GALK1: variants seen among roughly 807,000 people sequenced by gnomAD.
GALK1 encodes the protein galactokinase 1.
A neutral mutation model predicts 38.6 loss-of-function variants in GALK1; 30 were observed. The observed-to-expected ratio is 0.78, with a 90% CI of 0.58 to 1.05. The LOEUF (loss-of-function observed/expected upper bound fraction) is 1.05. Ranked by LOEUF, GALK1 falls within the 50% of genes least tolerant of loss-of-function variation. GALK1 has a pLI of 0.00. For synonymous variants in GALK1, 240 were observed against 233.6 expected (o/e 1.03, Z -0.25); for missense variants, 512 against 540.5 (o/e 0.95, Z 0.52).
chr17:75,763,955 C>T lies in GALK1; in HGVS notation c.297G>A (p.Leu99=), dbSNP rs1568395582. Reference sequence around the variant, plus strand: ...TGGCCCACCGAGGAGTCCCAGGCTCCAGCGAGCGCTGGGCTGTGGGCAGTG... The same window carrying T: ...TGGCCCACCGAGGAGTCCCAGGCTCTAGCGAGCGCTGGGCTGTGGGCAGTG... ...QFPLPTAQRS[L]EPGTPRWANY... The change falls in exon 2 of 8, where the codon CTG becomes CTA. Residue 99 remains leucine (L), a synonymous_variant. Coordinates refer to ENST00000588479, the MANE Select transcript of GALK1 (RefSeq NM_000154.2). 1.2e-6 allele frequency: 2 copies of T among 1,613,602 alleles called. No individual in the cohort carries two copies. Among genetic ancestry groups the T allele is most frequent in the Non-Finnish European group, 8.5e-7 (1 of 1,180,000 alleles).
At chr17:75,755,254 C>T (rs372701693), downstream of GALK1, 5 of 1,578,602 alleles carry the variant, frequency 3.2e-6, no homozygotes, top group Non-Finnish European at 4.3e-6. Flanking sequence ...AGCTGTCCTG[C>T]TCCATCTGTC....
At chr17:75,757,421 C>T (rs766003835), downstream of GALK1, 1 of 1,613,180 alleles carries the variant, frequency 6.2e-7, no homozygotes, top group South Asian at 1.1e-5. Context: ...CACAGATGGG[C>T]TGACCCTGGG....
chr17:75,755,157 GC>G (rs755123653), downstream of GALK1: 2 of 1,611,652 alleles, frequency 1.2e-6, no homozygotes, highest in Non-Finnish European at 1.7e-6. Flanking sequence ...CCTTCCAGGG[GC>G]CCACGAGACT....
downstream of GALK1, chr17:75,755,849 C>T (rs138928712): frequency 7.7e-5 from 124 of 1,603,026 alleles, no homozygotes; most frequent in African/African-American, 5.6e-4. Flanking sequence ...TGCTGAACGG[C>T]GGTGAGGCAT....
Position 75,761,671 on chromosome 17 carries a change from T to C in GALK1, c.793+1033A>G, listed in dbSNP as rs1334860092. 2.3e-5 allele frequency among the ~76,000 whole-genome samples: 3 copies of C among 132,518 alleles called. No individual in the cohort carries two copies. In the Admixed American group the frequency reaches 2.3e-4, roughly 10 times the overall value. 86.9% of individuals were successfully genotyped at this position (132,518 alleles called of 152,430 possible). A position where few individuals can be genotyped will look rare whatever the true frequency, so the allele number is the denominator to read the frequency against. ...GAGCCACACCGAGATATGCCTTTCATGGCATAAGATAAGATAGGGTTCTGG... is the reference window on the plus strand; with the variant it reads ...GAGCCACACCGAGATATGCCTTTCACGGCATAAGATAAGATAGGGTTCTGG... On this transcript the variant is annotated intron_variant, in intron 5 of 7. Transcript: ENST00000588479.
At chr17:75,754,685 C>G, downstream of GALK1, 4 of 1,614,156 alleles carry the variant, frequency 2.5e-6, no homozygotes, top group Non-Finnish European at 3.4e-6. Context: ...TGAGCCCACA[C>G]GTGCCCCACC....
intron 8 of GALK1, chr17:75,752,204 T>C: frequency 6.2e-7 from 1 of 1,613,972 alleles, no homozygotes. Context: ...AAAGTGCTGG[T>C]TGACAACCCT....
chr17:75,764,202 C>T, intron 1 of GALK1, 116 bp from the exon 2 acceptor site: 1 of 1,010,496 alleles, frequency 9.9e-7, no homozygotes, highest in South Asian at 1.3e-5. Context: ...TCTGAACCTC[C>T]AGGTTCAGCG....
At chr17:75,755,549 C>T, downstream of GALK1, 1 of 985,584 alleles carries the variant, frequency 1.0e-6, no homozygotes, top group South Asian at 1.4e-5. Flanking sequence ...TGCTGGGCAG[C>T]CTGGACAGGG....
At chr17:75,755,916 T>A (rs1436228645), downstream of GALK1, 2 of 1,547,468 alleles carry the variant, frequency 1.3e-6, no homozygotes, top group Non-Finnish European at 1.7e-6. Flanking sequence ...GTGTGACACA[T>A]AGGGTACCTC....
At chr17:75,757,282 C>T (rs963564866), downstream of GALK1, 31 of 1,611,750 alleles carry the variant, frequency 1.9e-5, no homozygotes, top group Non-Finnish European at 2.5e-5. Context: ...CCACCACCCA[C>T]ACCAGCGCCA....
Position 75,757,969 on chromosome 17 carries a change from C to A in GALK1, c.*87G>T. Reference sequence around the variant, plus strand: ...TTGGAGGCACAAGTTTATTGAGCACCCGGATATGGAAGATGGCACCGGGCA... The same window carrying A: ...TTGGAGGCACAAGTTTATTGAGCACACGGATATGGAAGATGGCACCGGGCA... On this transcript the variant is annotated 3_prime_UTR_variant, in exon 8 of 8. Transcript: ENST00000588479. 1 of 1,461,526 alleles carries A rather than the reference C, an allele frequency of 6.8e-7. No homozygotes were observed. The highest frequency in any genetic ancestry group is 2.3e-5 in the East Asian group (1 of 43,460). The allele number at this position is 1,461,526 out of a possible 1,614,324, so 90.5% of individuals were successfully genotyped here. A position where few individuals can be genotyped will look rare whatever the true frequency, so the allele number is the denominator to read the frequency against.
rs2143608703 is a variant in GALK1 at position 75,765,127 on chromosome 17, A to G, written c.10T>C (p.Leu4=). Residue 4 remains leucine, a synonymous_variant, in exon 1 of 8, where the codon TTG becomes CTG. Coordinates refer to ENST00000588479, the MANE Select transcript of GALK1 (RefSeq NM_000154.2). ...AGCTCCGCGACCTGGGGCTGTCTCAAAGCAGCCATGACGCGCGCCTGCAGC... is the reference window on the plus strand; with the variant it reads ...AGCTCCGCGACCTGGGGCTGTCTCAGAGCAGCCATGACGCGCGCCTGCAGC... MAA[L]RQPQVAELLA... The G allele has an allele frequency of 6.4e-7, 1 of 1,572,296 alleles. No individual in the cohort carries two copies.
At chr17:75,753,881 G>A (rs995547851), downstream of GALK1, 14 of 1,324,302 alleles carry the variant, frequency 1.1e-5, no homozygotes, top group African/African-American at 1.7e-4. Context: ...GCGCTCCTCC[G>A]ACGCCGAGGC....
chr17:75,753,813 G>A (rs945809279), downstream of GALK1: 6 of 1,465,806 alleles, frequency 4.1e-6, no homozygotes, highest in African/African-American at 8.6e-5. Context: ...CTGGACCTGC[G>A]GCGCGTCACG....
At chr17:75,757,650 G>A (rs1183260235), downstream of GALK1, 3 of 1,545,848 alleles carry the variant, frequency 1.9e-6, no homozygotes, top group East Asian at 2.2e-5. Flanking sequence ...CACCCCTGGG[G>A]GCCCAGCCCA....
intron 1 of GALK1, chr17:75,764,699 C>T: frequency 1.7e-6 from 1 of 601,702 alleles, no homozygotes; most frequent in South Asian, 1.8e-5. Flanking sequence ...GGAACATGCT[C>T]CCAGGTTGAA....
At chr17:75,757,017 G>T (rs747376161), downstream of GALK1, 1 of 1,612,400 alleles carries the variant, frequency 6.2e-7, no homozygotes, top group South Asian at 1.1e-5. Context: ...CAGCGAGAAC[G>T]TGCCCTACAA....
chr17:75,762,586 T>C, intron 5 of GALK1, 118 bp downstream of exon 5: 5 of 1,088,004 alleles, frequency 4.6e-6, no homozygotes, highest in East Asian at 2.4e-5. Flanking sequence ...TTGAAGGGAC[T>C]GGGGAGAGCA....
Sources: allele counts gnomAD v4.1 joint callset (sites outside exome capture counted in the v4.1 genomes callset), GRCh38; gene constraint gnomAD v4.1.1; transcripts MANE v1.5; gene names NCBI Gene and HGNC (gene_info 2026-07-23, HGNC 2026-07-21).